Variants in PRKCH observed in about 807,000 individuals in gnomAD.
The protein encoded by PRKCH is protein kinase C eta.
In PRKCH, 28 loss-of-function variants were observed where a neutral mutation model predicts 82.5. That is an observed-to-expected ratio of 0.34 (90% CI 0.25 to 0.47). PRKCH has a LOEUF of 0.47. PRKCH is among the 20% of genes least tolerant of loss of function. The pLI, the probability that PRKCH is intolerant of heterozygous loss-of-function variation, is 1.00. For missense variants in PRKCH, 705 were observed against 881.8 expected, an observed-to-expected ratio of 0.80 and a Z score of 2.54; for synonymous variants, 322 against 327.4, an observed-to-expected ratio of 0.98 and a Z score of 0.18.
chr14:61,190,720 G>A (rs546067254), intron 1 of PRKCH, among the ~76,000 whole-genome samples: 3 of 152,178 alleles, frequency 2.0e-5, no homozygotes, highest in South Asian at 2.1e-4. Flanking sequence ...AAGGCAGGAC[G>A]CTCCCCGCTC....
intron 9 of PRKCH, among the ~76,000 whole-genome samples, chr14:61,465,454 T>C (rs1053331920): frequency 4.6e-5 from 7 of 152,236 alleles, no homozygotes; most frequent in Non-Finnish European, 7.3e-5. Flanking sequence ...ATATCCAGTT[T>C]TTTCAACACC....
At chr14:61,281,076 G>T in intron 1 of PRKCH, 1 of 1,517,574 alleles carries the variant, frequency 6.6e-7, no homozygotes, top group Non-Finnish European at 8.8e-7. Context: ...GCTGCCAGGC[G>T]GGGAGGCGCT....
At chr14:61,256,900 T>C (rs558829912) in intron 1 of PRKCH, among the ~76,000 whole-genome samples, 1 of 152,336 alleles carries the variant, frequency 6.6e-6, no homozygotes, top group African/African-American at 2.4e-5. Flanking sequence ...ATAGCTTTGG[T>C]TGAGCTGATG....
intron 2 of PRKCH, among the ~76,000 whole-genome samples, chr14:61,392,843 TG>T (rs1415496003): frequency 1.4e-5 from 2 of 139,104 alleles, no homozygotes; most frequent in African/African-American, 3.2e-5. Context: ...TTTCTTTTTT[TG>T]TTTTTTTTTT....
chr14:61,238,308 G>A (rs2044807642), intron 1 of PRKCH, among the ~76,000 whole-genome samples: 1 of 152,152 alleles, frequency 6.6e-6, no homozygotes, highest in South Asian at 2.1e-4. Flanking sequence ...AAAGGCCTTT[G>A]GGTCCCTGAC....
At chr14:61,262,543 A>G (rs2045058694) in intron 1 of PRKCH, among the ~76,000 whole-genome samples, 1 of 152,164 alleles carries the variant, frequency 6.6e-6, no homozygotes, top group African/African-American at 2.4e-5. Flanking sequence ...CAAAGGGATA[A>G]TTGAGTGGGA....
At chr14:61,294,478 A>G (rs1287464803) in intron 1 of PRKCH, among the ~76,000 whole-genome samples, 1 of 151,960 alleles carries the variant, frequency 6.6e-6, no homozygotes, top group Non-Finnish European at 1.5e-5. Context: ...ATTCCCATTT[A>G]TTAATATTAT....
intron 10 of PRKCH, among the ~76,000 whole-genome samples, chr14:61,488,487 A>C (rs1179761232): frequency 6.6e-6 from 1 of 152,252 alleles, no homozygotes; most frequent in Admixed American, 6.5e-5. Flanking sequence ...CCAGACTGCT[A>C]ACTGGTAGTG....
At chr14:61,519,911 A>C (rs1380733440) in intron 10 of PRKCH, among the ~76,000 whole-genome samples, 1 of 152,092 alleles carries the variant, frequency 6.6e-6, no homozygotes, top group Admixed American at 6.5e-5. Flanking sequence ...AACAAGTTCA[A>C]TTCTAAGTCT....
intron 1 of PRKCH, among the ~76,000 whole-genome samples, chr14:61,343,674 C>A (rs930311795): frequency 1.3e-5 from 2 of 152,140 alleles, no homozygotes; most frequent in African/African-American, 2.4e-5. Context: ...GCACAACATC[C>A]TGTGACACAC....
At chr14:61,311,415 G>A (rs781174105) in intron 1 of PRKCH, among the ~76,000 whole-genome samples, 14 of 152,136 alleles carry the variant, frequency 9.2e-5, no homozygotes, top group Admixed American at 2.6e-4. Context: ...CTCCATCTGA[G>A]ACCACCTCAG....
intron 1 of PRKCH, among the ~76,000 whole-genome samples, chr14:61,241,831 G>A (rs1294010445): frequency 6.6e-6 from 1 of 152,168 alleles, no homozygotes; most frequent in African/African-American, 2.4e-5. Flanking sequence ...TCTACTCTGT[G>A]GACTTAGCTC....
At chr14:61,262,596 A>G (rs1340322391) in intron 1 of PRKCH, among the ~76,000 whole-genome samples, 1 of 152,202 alleles carries the variant, frequency 6.6e-6, no homozygotes, top group Non-Finnish European at 1.5e-5. Flanking sequence ...AATAGTCTAT[A>G]TCTTGTTTTG....
chr14:61,459,546 G>A (rs1266248864), intron 9 of PRKCH, among the ~76,000 whole-genome samples: 1 of 152,212 alleles, frequency 6.6e-6, no homozygotes, highest in African/African-American at 2.4e-5. Flanking sequence ...GTGTTAAGGG[G>A]TTTGGGTTTA....
At chr14:61,221,344 A>G (rs546117145) in intron 1 of PRKCH, among the ~76,000 whole-genome samples, 115 of 152,290 alleles carry the variant, frequency 7.6e-4, no homozygotes, top group African/African-American at 2.7e-3. Context: ...AGACAAAATC[A>G]TTGGAATTGT....
intron 10 of PRKCH, among the ~76,000 whole-genome samples, chr14:61,511,696 A>G (rs1887383339): frequency 6.6e-6 from 1 of 152,200 alleles, no homozygotes. Flanking sequence ...TTGGCACATG[A>G]TCCTCTGCCC....
At chr14:61,437,351 A>G (rs1883727890) in intron 2 of PRKCH, among the ~76,000 whole-genome samples, 1 of 152,204 alleles carries the variant, frequency 6.6e-6, no homozygotes, top group Non-Finnish European at 1.5e-5. Flanking sequence ...TATTTTGCAG[A>G]TATAAACCAA....
At chr14:61,428,032 A>AATATATAT (rs200826369) in intron 2 of PRKCH, among the ~76,000 whole-genome samples, 3 of 141,690 alleles carry the variant, frequency 2.1e-5, no homozygotes, top group African/African-American at 8.4e-5. Flanking sequence ...CATCTCCACA[A>AATATATAT]ATATATATAT....
At chr14:61,457,461 C>A (rs749120434) in intron 8 of PRKCH, 45 bp from the exon 9 acceptor site, 1 of 1,604,062 alleles carries the variant, frequency 6.2e-7, no homozygotes, top group East Asian at 2.2e-5. Flanking sequence ...ACCCTAAGAC[C>A]CCCAAGAGGA....
Sources: allele counts gnomAD v4.1 joint callset (sites outside exome capture counted in the v4.1 genomes callset), GRCh38; gene constraint gnomAD v4.1.1; transcripts MANE v1.5; gene names NCBI Gene and HGNC (gene_info 2026-07-23, HGNC 2026-07-21).